Variants in TNFSF15 observed in about 807,000 individuals in gnomAD.
TNFSF15 encodes the protein tumor necrosis factor ligand superfamily member 15.
In TNFSF15, 15 loss-of-function variants were observed where a neutral mutation model predicts 26.4. The observed-to-expected ratio is 0.57, with a 90% confidence interval of 0.38 to 0.87. TNFSF15 has a LOEUF of 0.87. Ranked by LOEUF, TNFSF15 falls within the 40% of genes least tolerant of loss-of-function variation. TNFSF15 has a pLI of 0.00. For missense variants in TNFSF15, 290 were observed against 306.1 expected, an observed-to-expected ratio of 0.95 and a Z score of 0.39; for synonymous variants, 116 against 115.0, an observed-to-expected ratio of 1.01 and a Z score of -0.06.
chr9:114,788,547 T>A lies in TNFSF15; in HGVS notation c.*1905A>T, dbSNP rs1238077657. On this transcript the variant is annotated 3_prime_UTR_variant, in exon 4 of 4. Coordinates refer to ENST00000374045, the MANE Select transcript of TNFSF15 (RefSeq NM_005118.4). ...AGTGCTCCTGCTACACTGGACACTT[T>A]GCTCAGGAGCCTCTCAAATGCCTCT... The A allele has an allele frequency of 2.0e-5, 3 of 152,258 alleles. No homozygotes were observed. The highest frequency in any genetic ancestry group is 2.9e-5 in the Non-Finnish European group (2 of 68,048). The allele number at this position is 152,258 out of a possible 1,614,324, so 9.4% of individuals were successfully genotyped here.
chr9:114,790,846 T>G lies in TNFSF15; in HGVS notation c.362A>C (p.His121Pro). 6.2e-7 allele frequency: 1 copy of G among 1,614,152 alleles called. No homozygotes were observed. Among genetic ancestry groups the G allele is most frequent in the Non-Finnish European group, 8.5e-7 (1 of 1,180,034 alleles). ...CTTGGTGAAGGCCAGGCCTAGTTCA[T>G]GTTCCCAGTGCAGAGCTGGGAACTG... The part of the protein sequence containing the change: ...KNQFPALHWE[H>P]ELGLAFTKNR... Residue 121 changes from histidine (H) to proline (P), a missense_variant, in exon 4 of 4, where the codon CAT becomes CCT. Physicochemically the swap from His to Pro is moderately conservative, Grantham distance 77 (BLOSUM62 -2). This residue lies in a region of TNFSF15 where 179 missense variants were observed against 165.9 expected (regional missense o/e 1.08). Transcript: ENST00000374045.
In TNFSF15 at chr9:114,784,838, T is replaced by C. The variant is rs1273772080; in HGVS notation, c.*5614A>G. On this transcript the variant is annotated 3_prime_UTR_variant, in exon 4 of 4. Transcript: ENST00000374045. ...GCGGTTGATGTTTTAACATAAAACA[T>C]AAAATCAATGAAAGCACATGGGGTT... 1 of 152,180 alleles carries C rather than the reference T, an allele frequency of 6.6e-6. No homozygotes were observed. The highest frequency in any genetic ancestry group is 1.5e-5 in the Non-Finnish European group (1 of 68,016). The allele number at this position is 152,180 out of a possible 1,614,324, so 9.4% of individuals were successfully genotyped here. A position where few individuals can be genotyped will look rare whatever the true frequency, so the allele number is the denominator to read the frequency against.
rs369463271 is a variant in TNFSF15, at chr9:114,785,895, C to A, written c.*4557G>T. On this transcript the variant is annotated 3_prime_UTR_variant, in exon 4 of 4. Transcript: ENST00000374045. ...GACAGCTTCCTAGCTCTAGATCAGC[C>A]CTTAACTCACTATGTGGCCCTGGGC... 1.3e-5 allele frequency: 2 copies of A among 152,272 alleles called. No individual in the cohort carries two copies. Among genetic ancestry groups the A allele is most frequent in the African/African-American group, 4.8e-5 (2 of 41,416 alleles). The allele number at this position is 152,272 out of a possible 1,614,324, so 9.4% of individuals were successfully genotyped here. A position where few individuals can be genotyped will look rare whatever the true frequency, so the allele number is the denominator to read the frequency against.
At chr9:114,805,157 G>T (rs1025010860) in intron 1 of TNFSF15, among the ~76,000 whole-genome samples, 1 of 152,136 alleles carries the variant, frequency 6.6e-6, no homozygotes, top group Non-Finnish European at 1.5e-5. Context: ...CAGGCAGGAG[G>T]TTCTTTCTTA....
Position 114,790,436 on chromosome 9 carries a change from G to T in TNFSF15, c.*16C>A. 6.5e-7 allele frequency: 1 copy of T among 1,550,076 alleles called. No individual in the cohort carries two copies. Among genetic ancestry groups the T allele is most frequent in the South Asian group, 1.2e-5 (1 of 81,276 alleles). On this transcript the variant is annotated 3_prime_UTR_variant, in exon 4 of 4. Transcript: ENST00000374045. ...CGGTGGCAGAGGACTTTCATATAAT[G>T]ATATTTGCTCTCCTCCTATAGTAAG...
chr9:114,792,881 C>T (rs145466495), intron 2 of TNFSF15, among the ~76,000 whole-genome samples: 137 of 152,258 alleles, frequency 9.0e-4, no homozygotes, highest in African/African-American at 3.1e-3. Flanking sequence ...TTCCATGGTC[C>T]CTTTAACTAT....
intron 1 of TNFSF15, among the ~76,000 whole-genome samples, chr9:114,805,379 A>G (rs1247392206): frequency 6.6e-6 from 1 of 152,240 alleles, no homozygotes; most frequent in Non-Finnish European, 1.5e-5. Context: ...ACAGAATTAT[A>G]TATCCCAAAC....
chr9:114,792,341 A>C lies in TNFSF15; in HGVS notation c.301+66T>G. 1.9e-6 allele frequency: 3 copies of C among 1,570,678 alleles called. No individual in the cohort carries two copies. In the South Asian group the frequency reaches 3.6e-5, roughly 19 times the overall value. ...TAAGCCACTAGAATGAATTTTGGTA[A>C]AGTGCTGAAAGAAATCTCAGGATTC... On this transcript the variant is annotated intron_variant, in intron 3 of 3. Transcript: ENST00000374045.
At chr9:114,795,254 T>C (rs1049909591) in intron 1 of TNFSF15, among the ~76,000 whole-genome samples, 1 of 152,186 alleles carries the variant, frequency 6.6e-6, no homozygotes, top group Non-Finnish European at 1.5e-5. Flanking sequence ...CTCAACCCAA[T>C]CTTCTGATTT....
At chr9:114,793,342 A>C (rs902875100) in intron 2 of TNFSF15, among the ~76,000 whole-genome samples, 184 bp downstream of exon 2, 1 of 152,186 alleles carries the variant, frequency 6.6e-6, no homozygotes, top group African/African-American at 2.4e-5. Context: ...CAGGCCATGC[A>C]CTTTGACATG....
chr9:114,785,257 G>A lies in TNFSF15; in HGVS notation c.*5195C>T, dbSNP rs576783907. 2 of 152,342 alleles carry A rather than the reference G, an allele frequency of 1.3e-5. No homozygotes were observed. Among genetic ancestry groups the A allele is most frequent in the East Asian group, 3.9e-4 (2 of 5,186 alleles). 9.4% of individuals were successfully genotyped at this position (152,342 alleles called of 1,614,324 possible). On this transcript the variant is annotated 3_prime_UTR_variant, in exon 4 of 4. Transcript: ENST00000374045. ...GTGTGGATGTGATGGCTCCCTCTGA[G>A]CCTGGGTTTCTTCATCTTTGAAATG...
chr9:114,801,310 T>C (rs1192914769), intron 1 of TNFSF15, among the ~76,000 whole-genome samples: 1 of 152,150 alleles, frequency 6.6e-6, no homozygotes, highest in Non-Finnish European at 1.5e-5. Context: ...TGGAAGATAC[T>C]GTAGGGCCCA....
rs889789364 is a variant in TNFSF15 at position 114,789,399 on chromosome 9, C to G, written c.*1053G>C. On this transcript the variant is annotated 3_prime_UTR_variant, in exon 4 of 4. Coordinates refer to ENST00000374045, the MANE Select transcript of TNFSF15 (RefSeq NM_005118.4). ...GCGCGATCTGGGCTCACCGCAACCT[C>G]TGCCTCCCCAGTTCAAGCAATTCTT... The G allele has an allele frequency of 6.6e-6, 1 of 152,246 alleles. No individual in the cohort carries two copies. Among genetic ancestry groups the G allele is most frequent in the African/African-American group, 2.4e-5 (1 of 41,412 alleles). The allele number at this position is 152,246 out of a possible 1,614,324, so 9.4% of individuals were successfully genotyped here.
chr9:114,797,661 T>A (rs1829688925), intron 1 of TNFSF15, among the ~76,000 whole-genome samples: 1 of 152,222 alleles, frequency 6.6e-6, no homozygotes, highest in Non-Finnish European at 1.5e-5. Context: ...CAGCCCTGAC[T>A]CATCTCCATC....
Position 114,785,361 on chromosome 9 carries a change from G to A in TNFSF15, c.*5091C>T, listed in dbSNP as rs965007595. 2.0e-5 allele frequency: 3 copies of A among 152,112 alleles called. No homozygotes were observed. The highest frequency in any genetic ancestry group is 7.2e-5 in the African/African-American group (3 of 41,392). The allele number at this position is 152,112 out of a possible 1,614,324, so 9.4% of individuals were successfully genotyped here. A position where few individuals can be genotyped will look rare whatever the true frequency, so the allele number is the denominator to read the frequency against. On this transcript the variant is annotated 3_prime_UTR_variant, in exon 4 of 4. Coordinates refer to ENST00000374045, the MANE Select transcript of TNFSF15 (RefSeq NM_005118.4). ...TTTCTCTATTGGCCAAGATCTTAGG[G>A]GTATTTTGTGTTGGACACTCTCTGG...
chr9:114,803,434 G>A (rs141191387), intron 1 of TNFSF15, among the ~76,000 whole-genome samples: 53 of 152,248 alleles, frequency 3.5e-4, no homozygotes, highest in Middle Eastern at 3.4e-3. Flanking sequence ...TTTCATAGCT[G>A]GAAGTGAGCC....
intron 1 of TNFSF15, among the ~76,000 whole-genome samples, chr9:114,800,500 G>A (rs755896754): frequency 3.3e-5 from 5 of 152,210 alleles, no homozygotes; most frequent in African/African-American, 1.2e-4. Context: ...AGACAACATA[G>A]TGATTAGGAG....
rs764654587 is a variant in TNFSF15 at position 114,805,985 on chromosome 9, C to G, written c.28G>C (p.Gly10Arg). Residue 10 changes from glycine (G) to arginine (R), a missense_variant, in exon 1 of 4, where the codon GGG becomes CGG. This residue lies in a region of TNFSF15 where 179 missense variants were observed against 165.9 expected (regional missense o/e 1.08). Coordinates refer to ENST00000374045, the MANE Select transcript of TNFSF15 (RefSeq NM_005118.4). MAEDLGLSFGETASVEMLPE... is the reference protein window; with the variant it reads MAEDLGLSFRETASVEMLPE... ...AGCATTTCCACACTGGCTGTTTCCC[C>G]AAAGCTCAGTCCCAGATCCTCGGCC... 1 of 1,613,992 alleles carries G rather than the reference C, an allele frequency of 6.2e-7. No homozygotes were observed. The highest frequency in any genetic ancestry group is 1.1e-5 in the South Asian group (1 of 91,076).
intron 1 of TNFSF15, among the ~76,000 whole-genome samples, chr9:114,804,299 C>T (rs1439330816): frequency 1.3e-5 from 2 of 152,326 alleles, no homozygotes; most frequent in African/African-American, 4.8e-5. Flanking sequence ...CCGAGCTTCC[C>T]GTCTAGTGAC....
Sources: allele counts gnomAD v4.1 joint callset (sites outside exome capture counted in the v4.1 genomes callset), GRCh38; gene constraint gnomAD v4.1.1; regional missense constraint gnomAD v4.1.1; transcripts MANE v1.5; gene names NCBI Gene and HGNC (gene_info 2026-07-23, HGNC 2026-07-21).